Variants in SLC52A1 observed in about 807,000 individuals in gnomAD.
The protein encoded by SLC52A1 is solute carrier family 52 member 1, also known as solute carrier family 52, riboflavin transporter, member 1.
Under a neutral mutation model 23.2 loss-of-function variants are expected in SLC52A1, and 20 were observed. The observed-to-expected ratio is 0.86, with a 90% CI of 0.61 to 1.25. The LOEUF (loss-of-function observed/expected upper bound fraction) is 1.25. SLC52A1 is among the 50% of genes most tolerant of loss of function. The pLI, the probability that SLC52A1 is intolerant of heterozygous loss-of-function variation, is 0.00. For synonymous variants in SLC52A1, 260 were observed against 256.6 expected, an observed-to-expected ratio of 1.01 and a Z score of -0.13; for missense variants, 528 against 557.0, an observed-to-expected ratio of 0.95 and a Z score of 0.52.
rs754376857 is a variant in SLC52A1, at chr17:5,033,011, GC to G, written c.1292del (p.Ser431ThrfsTer13). The G allele has an allele frequency of 6.2e-6, 10 of 1,613,798 alleles. No homozygotes were observed. The Middle Eastern group carries it at 6.6e-4, about 106-fold the overall frequency. ...TTCTGCTTTGAAACACGTGGTAGAT[GC>G]TGGTGGGAGGGAACATGGCACCGGC... is the stretch of plus-strand genomic sequence containing the variant. ...LGAGAMFPPT[S>X]IYHVFQSRKD... On this transcript the variant is annotated frameshift_variant, in exon 5 of 5. Coordinates refer to ENST00000254853, the MANE Select transcript of SLC52A1 (RefSeq NM_017986.4). LOFTEE classifies it high-confidence loss of function.
chr17:5,034,723 A>G lies in SLC52A1; in HGVS notation c.-107-10T>C. ...ACTGAAGACCTTCTAGCTGGAGGGAAACAGACAGGCTGGCAGGTAATAGGC... is the reference window on the plus strand; with the variant it reads ...ACTGAAGACCTTCTAGCTGGAGGGAGACAGACAGGCTGGCAGGTAATAGGC... On this transcript the variant is annotated splice_polypyrimidine_tract_variant and intron_variant, in intron 1 of 4. Transcript: ENST00000254853. The G allele has an allele frequency of 1.4e-6, 2 of 1,396,226 alleles. No individual in the cohort carries two copies. Among genetic ancestry groups the G allele is most frequent in the African/African-American group, 1.4e-5 (1 of 69,602 alleles). The allele number at this position is 1,396,226 out of a possible 1,614,324, so 86.5% of individuals were successfully genotyped here.
rs1256130632 is a variant in SLC52A1 at position 5,034,339 on chromosome 17, G to T, written c.150C>A (p.Tyr50Ter). The T allele has an allele frequency of 3.8e-6, 6 of 1,583,816 alleles. 1 individual carries two copies. In the South Asian group the frequency reaches 7.0e-5, roughly 18 times the overall value. ...DLPEGWSLPS[Y>*]LSVVVALGNL... ...TTCCCAGCGCCACAACCACAGAGAG[G>T]TATGAGGGGAGGCTCCAACCTGCAG... The change falls in exon 3 of 5, where the codon TAC becomes TAA. Residue 50 changes from tyrosine to a stop codon, truncating the protein, a stop_gained. Transcript: ENST00000254853. LOFTEE classifies it high-confidence loss of function.
rs1975429820 is a variant in SLC52A1, at chr17:5,035,215, G to A, written c.-462C>T. On this transcript the variant is annotated 5_prime_UTR_variant, in exon 1 of 5. Coordinates refer to ENST00000254853, the MANE Select transcript of SLC52A1 (RefSeq NM_017986.4). ...CCCAGCTACTCAGGAGGCTGAGGCA[G>A]GAGATTCACTTGAACCCGGAAGGTG... 1 of 153,766 alleles carries A rather than the reference G, an allele frequency of 6.5e-6. No homozygotes were observed. The highest frequency in any genetic ancestry group is 1.9e-4 in the East Asian group (1 of 5,222). 9.5% of individuals were successfully genotyped at this position (153,766 alleles called of 1,614,324 possible). A position where few individuals can be genotyped will look rare whatever the true frequency, so the allele number is the denominator to read the frequency against.
chr17:5,034,400 A>G (rs771221746), intron 2 of SLC52A1, 42 bp from the exon 3 acceptor site: 7 of 1,601,766 alleles, frequency 4.4e-6, no homozygotes, highest in Non-Finnish European at 6.0e-6. Flanking sequence ...CACAGTGGCT[A>G]AGGGACAAAG....
In SLC52A1 at chr17:5,034,281, G is replaced by A. The variant is rs150112294; in HGVS notation, c.208C>T (p.Gln70Ter). 1.7e-5 allele frequency: 27 copies of A among 1,606,128 alleles called. No homozygotes were observed. Among genetic ancestry groups the A allele is most frequent in the South Asian group, 7.8e-5 (7 of 90,030 alleles). Reference sequence around the variant, plus strand: ...TGCTCGCCCTTGCCCGGGGCCAGCTGCCTCCACAGGGTCACCACCAGCAGA... The same window carrying A: ...TGCTCGCCCTTGCCCGGGGCCAGCTACCTCCACAGGGTCACCACCAGCAGA... ...LGLLVVTLWR[Q>*]LAPGKGEQVP... is the part of the protein sequence containing the mutation. The change falls in exon 3 of 5, where the codon CAG (glutamine) becomes TAG (stop). Residue 70 changes from glutamine (Q) to a stop codon, truncating the protein, a stop_gained. Transcript: ENST00000254853. LOFTEE classifies it high-confidence loss of function.
chr17:5,041,724 C>T (rs1217237446), intron 1 of SLC52A1, among the ~76,000 whole-genome samples: 1 of 152,168 alleles, frequency 6.6e-6, no homozygotes, highest in Non-Finnish European at 1.5e-5. Flanking sequence ...GGTGATCCAC[C>T]TGCCTCGGCC....
rs1975354576 is a variant in SLC52A1 at position 5,033,113 on chromosome 17, G to A, written c.1191C>T (p.Ser397=). Residue 397 remains serine, a synonymous_variant, in exon 5 of 5, where the codon AGC becomes AGT. Transcript: ENST00000254853. ...GCCGACCCCCACCATGCAGCAGGGA[G>A]CTTGCAGCCACCTTCACATATGAGA... The part of the protein sequence containing the change: ...CVFSYVKVAA[S]SLLHGGGRPA... The A allele has an allele frequency of 6.2e-7, 1 of 1,613,700 alleles. No homozygotes were observed. Among genetic ancestry groups the A allele is most frequent in the Non-Finnish European group, 8.5e-7 (1 of 1,180,038 alleles).
rs777752961 is a variant in SLC52A1, at chr17:5,033,868, T to G, written c.621A>C (p.Ser207=). ...FWALTALLVT[S]AAAFRGLLLL... ...ACAGGAGACCCCGGAAGGCGGCAGC[T>G]GAAGTGACCAGAAGGGCAGTCAGTG... The change falls in exon 3 of 5, where the codon TCA becomes TCC. Residue 207 remains serine (S), a synonymous_variant. Transcript: ENST00000254853. 1.9e-6 allele frequency: 3 copies of G among 1,614,168 alleles called. No homozygotes were observed. The highest frequency in any genetic ancestry group is 2.5e-6 in the Non-Finnish European group (3 of 1,180,018).
At position 5,033,478 on chromosome 17, in the gene SLC52A1, C is replaced by T. The variant is rs780799113; in HGVS notation, c.1010+1G>A. 3 of 1,611,072 alleles carry T rather than the reference C, an allele frequency of 1.9e-6. No homozygotes were observed. The highest frequency in any genetic ancestry group is 1.7e-5 in the Admixed American group (1 of 59,784). Reference sequence around the variant, plus strand: ...CACCAAGCCTGGGGACCCTTTTGCACCTGCACAGCACGCCCATGGCCAGGA... The same window carrying T: ...CACCAAGCCTGGGGACCCTTTTGCATCTGCACAGCACGCCCATGGCCAGGA... On this transcript the variant is annotated splice_donor_variant, in intron 3 of 4. Coordinates refer to ENST00000254853, the MANE Select transcript of SLC52A1 (RefSeq NM_017986.4). LOFTEE classifies it high-confidence loss of function.
rs1975431769 is a variant in SLC52A1, at chr17:5,035,317, A to C, written c.-564T>G. 6.6e-6 allele frequency: 1 copy of C among 152,568 alleles called. No homozygotes were observed. The highest frequency in any genetic ancestry group is 1.9e-4 in the East Asian group (1 of 5,176). 9.5% of individuals were successfully genotyped at this position (152,568 alleles called of 1,614,324 possible). Reference sequence around the variant, plus strand: ...AACGAGATTCGGTCTCAAAAACAAAACAAAACAAAACAAAACAAAAAAACA... The same window carrying C: ...AACGAGATTCGGTCTCAAAAACAAACCAAAACAAAACAAAACAAAAAAACA... On this transcript the variant is annotated 5_prime_UTR_variant, in exon 1 of 5. Transcript: ENST00000254853.
At position 5,040,486 on chromosome 17, in the gene SLC52A1, T is replaced by C. The variant is rs192347708; in HGVS notation, c.-107-5773A>G. On this transcript the variant is annotated intron_variant, in intron 1 of 3. Coordinates refer to the SLC52A1 transcript ENST00000512825. ...ACCGTTCCTAGTCCAAATTTGTTCT[T>C]GCGTGGGGTGAGAGGACTAATGCAA... 9.9e-5 allele frequency among the ~76,000 whole-genome samples: 15 copies of C among 152,260 alleles called. 1 individual carries two copies. In the East Asian group the frequency reaches 2.9e-3, roughly 29 times the overall value.
rs1392637547 is a variant in SLC52A1 at position 5,034,589 on chromosome 17, C to A, written c.18G>T (p.Leu6=). The A allele has an allele frequency of 6.8e-6, 11 of 1,614,074 alleles. No individual in the cohort carries two copies. Among genetic ancestry groups the A allele is most frequent in the Non-Finnish European group, 8.5e-6 (10 of 1,180,046 alleles). The change falls in exon 2 of 5, where the codon CTG becomes CTT. Residue 6 remains leucine, a synonymous_variant. Transcript: ENST00000254853. The stretch of plus-strand genomic sequence containing the variant: ...GCAGGTGGGTCAGCACCAGACGGCC[C>A]AGCGTGGGTGCTGCCATTCAGCCCA... MAAPT[L]GRLVLTHLLV... is the part of the protein sequence containing the mutation.
chr17:5,038,810 G>A (rs1174491202), upstream of SLC52A1, among the ~76,000 whole-genome samples: 4 of 151,752 alleles, frequency 2.6e-5, no homozygotes, highest in Non-Finnish European at 4.4e-5. Context: ...GGATGGTCTC[G>A]ATCTTCTGAC....
At position 5,034,599 on chromosome 17, in the gene SLC52A1, G is replaced by A. The variant is rs1429016994; in HGVS notation, c.8C>T (p.Ala3Val). Residue 3 changes from alanine to valine, a missense_variant, in exon 2 of 5, where the codon GCA (alanine) becomes GTA (valine). Coordinates refer to ENST00000254853, the MANE Select transcript of SLC52A1 (RefSeq NM_017986.4). ...CAGCACCAGACGGCCCAGCGTGGGT[G>A]CTGCCATTCAGCCCAAAGCTGGACC... MA[A>V]PTLGRLVLTH... The A allele has an allele frequency of 6.2e-7, 1 of 1,614,174 alleles. No individual in the cohort carries two copies. Among genetic ancestry groups the A allele is most frequent in the African/African-American group, 1.3e-5 (1 of 75,064 alleles).
At position 5,034,862 on chromosome 17, in the gene SLC52A1, A is replaced by T; in HGVS notation, c.-109T>A. ...GGAAGGTGGGGAGCCAGGACTTACC[A>T]CGGGGCACCGGCTGTGCGTTTGGGT... is the stretch of plus-strand genomic sequence containing the variant. On this transcript the variant is annotated splice_region_variant and 5_prime_UTR_variant, in exon 1 of 5. Coordinates refer to ENST00000254853, the MANE Select transcript of SLC52A1 (RefSeq NM_017986.4). 2.5e-6 allele frequency: 1 copy of T among 397,706 alleles called. No homozygotes were observed. Among genetic ancestry groups the T allele is most frequent in the Non-Finnish European group, 4.7e-6 (1 of 213,214 alleles). The allele number at this position is 397,706 out of a possible 1,614,324, so 24.6% of individuals were successfully genotyped here.
At chr17:5,035,937 T>G (rs1268024165), upstream of SLC52A1, among the ~76,000 whole-genome samples, 1 of 137,502 alleles carries the variant, frequency 7.3e-6, no homozygotes, top group Non-Finnish European at 1.6e-5. Context: ...TCAGGCTGGC[T>G]TGGCACTCCT....
intron 1 of SLC52A1, among the ~76,000 whole-genome samples, chr17:5,040,657 G>A (rs940313443): frequency 1.3e-5 from 2 of 152,296 alleles, no homozygotes; most frequent in Admixed American, 1.3e-4. Flanking sequence ...TCGCCAAGGT[G>A]CAGAATCCTC....
chr17:5,039,908 G>C (rs1054709039), upstream of SLC52A1, among the ~76,000 whole-genome samples: 2 of 152,168 alleles, frequency 1.3e-5, no homozygotes, highest in Non-Finnish European at 1.5e-5. Context: ...CTTAGGAATA[G>C]AGCTCCAACT....
At chr17:5,038,726 A>G (rs187974490), upstream of SLC52A1, among the ~76,000 whole-genome samples, 69 of 151,898 alleles carry the variant, frequency 4.5e-4, no homozygotes, top group African/African-American at 1.5e-3. Context: ...AGCTGGGACT[A>G]CAGGCGCCCA....
Sources: allele counts gnomAD v4.1 joint callset (sites outside exome capture counted in the v4.1 genomes callset), GRCh38; gene constraint gnomAD v4.1.1; transcripts MANE v1.5; gene names NCBI Gene and HGNC (gene_info 2026-07-23, HGNC 2026-07-21).